The following C5 variants were observed in gnomAD, a reference collection of about 807,000 sequenced individuals.
C5 encodes the protein C3 and PZP-like alpha-2-macroglobulin domain-containing protein 4.
A neutral mutation model predicts 218.8 loss-of-function variants in C5; 140 were observed. That is an observed-to-expected ratio of 0.64 (90% CI 0.56 to 0.74). The LOEUF (loss-of-function observed/expected upper bound fraction) is 0.74. Ranked by LOEUF, C5 falls within the 30% of genes least tolerant of loss-of-function variation. The pLI is 0.00. For missense variants in C5, 1,700 were observed against 1,969.6 expected, an observed-to-expected ratio of 0.86 and a Z score of 2.59; for synonymous variants, 614 against 682.3, an observed-to-expected ratio of 0.90 and a Z score of 1.56.
intron 33 of C5, among the ~76,000 whole-genome samples, chr9:120,965,475 G>A (rs549683147): frequency 2.0e-5 from 3 of 151,948 alleles, no homozygotes; most frequent in South Asian, 2.1e-4. Context: ...AGCTGAGATC[G>A]CACCACTGCA....
At chr9:121,028,560 T>C (rs1019266731) in intron 7 of C5, among the ~76,000 whole-genome samples, 1 of 152,168 alleles carries the variant, frequency 6.6e-6, no homozygotes, top group African/African-American at 2.4e-5. Flanking sequence ...TGGATGAAGC[T>C]GGAAACCATC....
chr9:120,960,998 T>C (rs1400060165), intron 37 of C5, among the ~76,000 whole-genome samples: 5 of 151,740 alleles, frequency 3.3e-5, no homozygotes, highest in Non-Finnish European at 5.9e-5. Flanking sequence ...AAACCAAAAC[T>C]AACTGAGACC....
At chr9:121,023,376 G>T (rs375961343) in intron 10 of C5, 28 bp downstream of exon 10, 7 of 1,286,432 alleles carry the variant, frequency 5.4e-6, no homozygotes, top group Non-Finnish European at 7.9e-6. Flanking sequence ...ATCATATGTA[G>T]CAACGTCTAC....
chr9:121,046,248 G>A lies in C5; in HGVS notation c.201C>T (p.Ser67=). 2 of 1,607,488 alleles carry A rather than the reference G, an allele frequency of 1.2e-6. No homozygotes were observed. Among genetic ancestry groups the A allele is most frequent in the Non-Finnish European group, 1.7e-6 (2 of 1,174,670 alleles). The change falls in exon 2 of 41, where the codon TCC becomes TCT. Residue 67 remains serine, a synonymous_variant. Transcript: ENST00000223642. The part of the protein sequence containing the change: ...KSYPDKKFSY[S]SGHVHLSSEN... ...CTGAGGATAAATGAACATGGCCTGAGGAGTAACTAAATTTTTTATCAGGAT... is the reference window on the plus strand; with the variant it reads ...CTGAGGATAAATGAACATGGCCTGAAGAGTAACTAAATTTTTTATCAGGAT...
intron 19 of C5, 26 bp from the exon 20 acceptor site, chr9:121,006,084 A>G: frequency 4.3e-6 from 7 of 1,611,884 alleles, no homozygotes; most frequent in Non-Finnish European, 5.9e-6. Context: ...GAAGCAAAGT[A>G]GAATCATATT....
At chr9:120,960,446 T>C (rs1047371554) in intron 37 of C5, 109 bp from the exon 38 acceptor site, 8 of 726,900 alleles carry the variant, frequency 1.1e-5, no homozygotes, top group Non-Finnish European at 2.0e-5. Flanking sequence ...AATATAACCT[T>C]ACAAATGTCA....
intron 6 of C5, among the ~76,000 whole-genome samples, chr9:121,031,847 C>T (rs913419243): frequency 1.2e-4 from 19 of 152,140 alleles, no homozygotes; most frequent in African/African-American, 3.6e-4. Context: ...GGGTGGATCA[C>T]GAGGTCAGGA....
In C5 at chr9:121,016,375, T is replaced by C. The variant is rs1273155032; in HGVS notation, c.1875A>G (p.Gln625=). 6.2e-7 allele frequency: 1 copy of C among 1,613,872 alleles called. No homozygotes were observed. Among genetic ancestry groups the C allele is most frequent in the Non-Finnish European group, 8.5e-7 (1 of 1,179,894 alleles). ...AGCCCAGATCACTCTTCTCTAAGAA[T>C]TGAAATACCTGTCCAGAAAGGCAAA... is the stretch of plus-strand genomic sequence containing the variant. ...GAKKPLERVF[Q]FLEKSDLGCG... Residue 625 remains glutamine, a synonymous_variant, in exon 15 of 41, where the codon CAA becomes CAG. Transcript: ENST00000223642.
chr9:120,987,636 C>CAAA (rs36095132), intron 25 of C5, among the ~76,000 whole-genome samples: 3 of 110,980 alleles, frequency 2.7e-5, no homozygotes, highest in Admixed American at 1.9e-4. Context: ...GACTCCGTCT[C>CAAA]AAAAAAAAAA....
chr9:121,070,701 A>T, the C5 span, among the ~76,000 whole-genome samples: 1 of 151,888 alleles, frequency 6.6e-6, no homozygotes, highest in Admixed American at 6.6e-5. Flanking sequence ...AAACAGTAGA[A>T]CAGAGGATAC....
chr9:121,023,291 G>T (rs1031871240), intron 10 of C5, 113 bp downstream of exon 10: 5 of 783,076 alleles, frequency 6.4e-6, no homozygotes, highest in Non-Finnish European at 1.2e-5. Flanking sequence ...CACAGAATAA[G>T]CTCCCTCTGT....
intron 25 of C5, among the ~76,000 whole-genome samples, chr9:120,986,225 T>C (rs1428881657): frequency 1.3e-5 from 2 of 152,038 alleles, no homozygotes; most frequent in Non-Finnish European, 2.9e-5. Flanking sequence ...TGATTTCATG[T>C]ATATATATAC....
chr9:120,955,675 A>G (rs905219023), intron 39 of C5, among the ~76,000 whole-genome samples: 2 of 152,200 alleles, frequency 1.3e-5, no homozygotes, highest in African/African-American at 4.8e-5. Flanking sequence ...TAAGTTTCAT[A>G]CAATGAAACT....
chr9:120,989,065 C>T lies in C5; in HGVS notation c.3211G>A (p.Gly1071Ser), dbSNP rs1283675841. 1 of 1,613,130 alleles carries T rather than the reference C, an allele frequency of 6.2e-7. No homozygotes were observed. Among genetic ancestry groups the T allele is most frequent in the African/African-American group, 1.3e-5 (1 of 75,008 alleles). Residue 1071 changes from glycine (G) to serine (S), a missense_variant, in exon 25 of 41, where the codon GGT becomes AGT. Physicochemically the swap from Gly to Ser is moderately conservative, Grantham distance 56. Coordinates refer to ENST00000223642, the MANE Select transcript of C5 (RefSeq NM_001735.3). ...NADYSYSVWK[G>S]GSASTWLTAF... The stretch of plus-strand genomic sequence containing the variant: ...ACTTACCAAGTGCTAGCACTTCCAC[C>T]CTTCCACACACTGTAAGAGTAGTCA...
At chr9:120,982,149 C>G (rs1057271782) in intron 26 of C5, among the ~76,000 whole-genome samples, 1 of 152,190 alleles carries the variant, frequency 6.6e-6, no homozygotes, top group East Asian at 1.9e-4. Context: ...GTAGCTGGTA[C>G]TACAGGCGTG....
Position 121,029,700 on chromosome 9 carries a change from T to C in C5, c.758+697A>G, listed in dbSNP as rs915553541. ...TGGGAGGGGTCTATTTCCTCTGGGC[T>C]GACCTTGTAACTTGCTTTGGACAAA... On this transcript the variant is annotated intron_variant, in intron 7 of 40. Coordinates refer to ENST00000223642, the MANE Select transcript of C5 (RefSeq NM_001735.3). 1.6e-4 allele frequency among the ~76,000 whole-genome samples: 24 copies of C among 152,244 alleles called. 1 individual carries two copies. Among genetic ancestry groups the C allele is most frequent in the African/African-American group, 4.6e-4 (19 of 41,466 alleles).
chr9:120,995,257 T>C (rs2047107661), intron 22 of C5, among the ~76,000 whole-genome samples: 2 of 152,076 alleles, frequency 1.3e-5, no homozygotes, highest in Non-Finnish European at 2.9e-5. Flanking sequence ...TGTAAGTAAA[T>C]TTTTTCCCCA....
chr9:121,061,354 C>A, the C5 span, among the ~76,000 whole-genome samples: 2 of 152,062 alleles, frequency 1.3e-5, no homozygotes, highest in Non-Finnish European at 2.9e-5. Flanking sequence ...TTTTCCTCTA[C>A]CTTGGCCAAC....
chr9:120,970,796 TA>T (rs1257747237), intron 31 of C5, among the ~76,000 whole-genome samples: 4 of 152,222 alleles, frequency 2.6e-5, no homozygotes, highest in Non-Finnish European at 5.9e-5. Flanking sequence ...AGAGCGTGAT[TA>T]AAATTATTAA....
Sources: gnomAD v4.1 joint callset for allele counts (sites outside exome capture counted in the v4.1 genomes callset) on GRCh38, gnomAD v4.1.1 for gene constraint, MANE v1.5 for transcripts, NCBI Gene and HGNC (gene_info 2026-07-23, HGNC 2026-07-21) for gene names.